FBXO38: variants seen among roughly 807,000 people sequenced by gnomAD.
FBXO38 encodes the protein F-box protein 38.
In FBXO38, 53 loss-of-function variants were observed where a neutral mutation model predicts 131.9. That is an observed-to-expected ratio of 0.40 (90% CI 0.32 to 0.51). The LOEUF is 0.51. Among genes scored for constraint, FBXO38 ranks in the 20% least tolerant of loss-of-function variants. The pLI is 0.53. For missense variants in FBXO38, 1,076 were observed against 1,475.6 expected, an observed-to-expected ratio of 0.73 and a Z score of 4.44; for synonymous variants, 452 against 505.6, an observed-to-expected ratio of 0.89 and a Z score of 1.42.
chr5:148,422,925 G>T (rs1285606406), intron 12 of FBXO38, among the ~76,000 whole-genome samples: 3 of 151,792 alleles, frequency 2.0e-5, no homozygotes, highest in Admixed American at 6.6e-5. Context: ...TTTTTCTTTC[G>T]CATCTCTATC....
chr5:148,393,234 T>TGTGTGTGTGA lies in FBXO38; in HGVS notation c.-63-1479_-63-1478insTGTGTGTGAG, dbSNP rs1491443388. Among the ~76,000 whole-genome samples, 5 of 144,302 alleles carry TGTGTGTGTGA rather than the reference T, an allele frequency of 3.5e-5. 1 individual carries two copies. Among genetic ancestry groups the TGTGTGTGTGA allele is most frequent in the Admixed American group, 7.1e-5 (1 of 14,180 alleles). 94.7% of individuals were successfully genotyped at this position (144,302 alleles called of 152,430 possible). ...GTGTGTGTGTGTGTGTGTGTGTGTG[T>TGTGTGTGTGA]GATGAGAGGCAAGCATGCTGACAGC... On this transcript the variant is annotated intron_variant, in intron 1 of 21. Coordinates refer to ENST00000340253, the MANE Select transcript of FBXO38 (RefSeq NM_205836.3).
At position 148,404,686 on chromosome 5, in the gene FBXO38, G is replaced by A. The variant is rs370260497; in HGVS notation, c.594G>A (p.Gly198=). Residue 198 remains glycine (G), a splice_region_variant and synonymous_variant, in exon 6 of 22, where the codon GGG becomes GGA. Coordinates refer to ENST00000340253, the MANE Select transcript of FBXO38 (RefSeq NM_205836.3). ...GAKIQTLHLV[G]VNVPEIPCIP... ...TTCTTTTTTATATTTGTGTTTTAGG[G>A]GTGAATGTTCCTGAAATTCCTTGTA... The A allele has an allele frequency of 2.6e-5, 41 of 1,567,010 alleles. No individual in the cohort carries two copies. Among genetic ancestry groups the A allele is most frequent in the South Asian group, 1.3e-4 (11 of 81,874 alleles).
chr5:148,399,231 A>G, intron 3 of FBXO38, 99 bp downstream of exon 3: 2 of 1,396,338 alleles, frequency 1.4e-6, no homozygotes, highest in Non-Finnish European at 2.0e-6. Flanking sequence ...AAGGCAATCT[A>G]AGTCACCTTG....
rs1752188618 is a variant in FBXO38 at position 148,402,070 on chromosome 5, G to A, written c.351G>A (p.Arg117=). 2 of 1,613,604 alleles carry A rather than the reference G, an allele frequency of 1.2e-6. No homozygotes were observed. Among genetic ancestry groups the A allele is most frequent in the Non-Finnish European group, 1.7e-6 (2 of 1,179,682 alleles). Residue 117 remains arginine, a synonymous_variant, in exon 4 of 22, where the codon AGG becomes AGA. Transcript: ENST00000340253. ...LYGLHPRYLE[R]RRVRGHEAFS... is the part of the protein sequence containing the mutation. ...GCCTTCACCCTCGATACCTTGAGAG[G>A]CGAAGAGTAAGGGGCCATGAGGCTT...
intron 21 of FBXO38, 184 bp downstream of exon 21, chr5:148,441,421 AG>A: frequency 1.9e-6 from 1 of 527,758 alleles, no homozygotes. Context: ...TGGACTTACT[AG>A]GGATATATAA....
In FBXO38 at chr5:148,427,212, G is replaced by C; in HGVS notation, c.1919-1G>C. The C allele has an allele frequency of 6.3e-7, 1 of 1,576,336 alleles. No homozygotes were observed. The highest frequency in any genetic ancestry group is 8.6e-7 in the Non-Finnish European group (1 of 1,161,540). On this transcript the variant is annotated splice_acceptor_variant, in intron 14 of 21. Transcript: ENST00000340253. LOFTEE classifies it high-confidence loss of function. ...GGCCGTTCTTCTTTTTCTATAAGCA[G>C]TAAGTGGAAAAGGCAAGACTCCACT... is the stretch of plus-strand genomic sequence containing the variant.
intron 5 of FBXO38, among the ~76,000 whole-genome samples, chr5:148,403,122 T>C (rs1581238981): frequency 2.0e-5 from 3 of 152,242 alleles, no homozygotes; most frequent in South Asian, 4.1e-4. Context: ...TAGTTTGAAA[T>C]TGGATTTTTA....
intron 1 of FBXO38, among the ~76,000 whole-genome samples, chr5:148,391,973 ATGT>A (rs1003843190): frequency 2.0e-5 from 3 of 152,152 alleles, no homozygotes; most frequent in African/African-American, 4.8e-5. Context: ...TTTTAAAATT[ATGT>A]TGTTGTTAGA....
chr5:148,416,727 G>A (rs1270234800), intron 11 of FBXO38: 2 of 416,432 alleles, frequency 4.8e-6, no homozygotes, highest in East Asian at 4.3e-5. Context: ...TCAAATTGCG[G>A]CTCTACCACT....
intron 17 of FBXO38, among the ~76,000 whole-genome samples, chr5:148,437,564 T>G (rs1754418957): frequency 6.6e-6 from 1 of 152,198 alleles, no homozygotes; most frequent in African/African-American, 2.4e-5. Flanking sequence ...TTTTATAATC[T>G]TTTCCATTTG....
intron 1 of FBXO38, among the ~76,000 whole-genome samples, chr5:148,386,746 A>G (rs1389855449): frequency 6.6e-6 from 1 of 152,184 alleles, no homozygotes; most frequent in African/African-American, 2.4e-5. Context: ...GCTCAGAGAT[A>G]CTGCAGGTTT....
Position 148,394,826 on chromosome 5 carries a change from T to C in FBXO38, c.50T>C (p.Ile17Thr). ...SVKTCIMNNE[I>T]PEEMTADETK... Reference sequence around the variant, plus strand: ...AAAACATGTATCATGAATAATGAAATTCCAGAAGAAATGACAGCAGATGAA... The same window carrying C: ...AAAACATGTATCATGAATAATGAAACTCCAGAAGAAATGACAGCAGATGAA... Residue 17 changes from isoleucine (I) to threonine (T), a missense_variant, in exon 2 of 22, where the codon ATT (isoleucine) becomes ACT (threonine). By Grantham distance (89) the Ile-to-Thr change is moderately conservative. This residue lies in a region of FBXO38 where 58 missense variants were observed against 53.1 expected (regional missense o/e 1.09). Transcript: ENST00000340253. The C allele has an allele frequency of 6.2e-7, 1 of 1,604,796 alleles. No individual in the cohort carries two copies. The highest frequency in any genetic ancestry group is 8.5e-7 in the Non-Finnish European group (1 of 1,175,854).
chr5:148,438,527 A>G, intron 18 of FBXO38, 29 bp downstream of exon 18: 1 of 1,597,924 alleles, frequency 6.3e-7, no homozygotes, highest in Non-Finnish European at 8.5e-7. Context: ...TTCCGATGAT[A>G]CACATATTGT....
chr5:148,401,747 T>A (rs1752163523), intron 3 of FBXO38, among the ~76,000 whole-genome samples: 3 of 152,110 alleles, frequency 2.0e-5, no homozygotes, highest in Non-Finnish European at 4.4e-5. Context: ...AACCAAAAAG[T>A]CAATAATAAA....
At chr5:148,410,860 A>G (rs1752708588) in intron 9 of FBXO38, 95 bp downstream of exon 9, 3 of 1,169,928 alleles carry the variant, frequency 2.6e-6, no homozygotes, top group East Asian at 5.1e-5. Flanking sequence ...CTTTTTGAAC[A>G]TAAGACAACT....
At chr5:148,409,853 A>G (rs1246855809) in intron 8 of FBXO38, among the ~76,000 whole-genome samples, 1 of 152,210 alleles carries the variant, frequency 6.6e-6, no homozygotes, top group Non-Finnish European at 1.5e-5. Context: ...AAGTTTAGGT[A>G]GGTATTGTTA....
Position 148,433,464 on chromosome 5 carries a change from G to C in FBXO38, c.2694G>C (p.Lys898Asn), listed in dbSNP as rs1423398003. The change falls in exon 16 of 22, where the codon AAG (lysine) becomes AAC (asparagine). Residue 898 changes from lysine to asparagine, a missense_variant. By Grantham distance (94) the Lys-to-Asn change is moderately conservative. Coordinates refer to ENST00000340253, the MANE Select transcript of FBXO38 (RefSeq NM_205836.3). Reference protein sequence around the residue: ...KTKPRHAMKRKRTADKSTSTS... With the variant: ...KTKPRHAMKRNRTADKSTSTS... ...AGCCACGTCACGCCATGAAACGGAA[G>C]CGGACAGCAGATAAATCCACTAGTA... The C allele has an allele frequency of 1.2e-6, 2 of 1,613,936 alleles. No homozygotes were observed. Among genetic ancestry groups the C allele is most frequent in the Non-Finnish European group, 1.7e-6 (2 of 1,179,930 alleles).
Position 148,425,677 on chromosome 5 carries a change from T to C in FBXO38, c.1894T>C (p.Ser632Pro). ...TGAACGTGAAGAAAAAACTGGAGAG[T>C]CAGTGCAGTCCAGAGAATTGTCAGG... ...YSEREEKTGE[S>P]VQSRELSVSG... The change falls in exon 14 of 22, where the codon TCA becomes CCA. Residue 632 changes from serine (S) to proline (P), a missense_variant. By Grantham distance (74) the Ser-to-Pro change is moderately conservative. This residue lies in a region of FBXO38 where 212 missense variants were observed against 221.2 expected (regional missense o/e 0.96). Transcript: ENST00000340253. 6.2e-7 allele frequency: 1 copy of C among 1,613,660 alleles called. No individual in the cohort carries two copies.
Position 148,427,515 on chromosome 5 carries a change from C to T in FBXO38, c.2221C>T (p.Pro741Ser). ...CAGCGGCGGCTCTTCCGAGCCTAGC[C>T]CTACAGAAGTGGATGTGTCCAGGCA... Reference protein sequence around the residue: ...VNSGGSSEPSPTEVDVSRQCA... With the variant: ...VNSGGSSEPSSTEVDVSRQCA... Residue 741 changes from proline to serine, a missense_variant, in exon 15 of 22, where the codon CCT becomes TCT. Pro to Ser is a moderately conservative substitution (Grantham distance 74). Transcript: ENST00000340253. The T allele has an allele frequency of 6.2e-7, 1 of 1,614,160 alleles. No homozygotes were observed. Among genetic ancestry groups the T allele is most frequent in the Non-Finnish European group, 8.5e-7 (1 of 1,180,030 alleles).
Sources: gnomAD v4.1 joint callset for allele counts (sites outside exome capture counted in the v4.1 genomes callset) on GRCh38, gnomAD v4.1.1 for gene constraint, gnomAD v4.1.1 regional missense constraint, MANE v1.5 for transcripts, NCBI Gene and HGNC (gene_info 2026-07-23, HGNC 2026-07-21) for gene names.